The following DAB1 variants were observed in gnomAD, a reference collection of about 807,000 sequenced individuals.
DAB1 encodes the protein DAB adaptor protein 1, also known as disabled homolog 1.
A neutral mutation model predicts 64.6 loss-of-function variants in DAB1; 15 were observed. That is an observed-to-expected ratio of 0.23 (90% confidence interval 0.16 to 0.36). The LOEUF (loss-of-function observed/expected upper bound fraction) is 0.36. Among genes scored for constraint, DAB1 ranks in the 10% least tolerant of loss-of-function variants. The probability of loss-of-function intolerance (pLI) is 1.00; values close to 1 mark genes in which losing one functional copy is unlikely to be tolerated. For synonymous variants in DAB1, 235 were observed against 251.9 expected (o/e 0.93, Z 0.64); for missense variants, 596 against 706.7 (o/e 0.84, Z 1.78).
At chr1:58,419,991 C>T (rs1644756890) in intron 3 of DAB1, among the ~76,000 whole-genome samples, 1 of 152,218 alleles carries the variant, frequency 6.6e-6, no homozygotes, top group South Asian at 2.1e-4. Flanking sequence ...GCCTCTCCAT[C>T]CCATTTGGCT....
chr1:58,126,272 A>G (rs1262229198), intron 5 of DAB1, among the ~76,000 whole-genome samples: 1 of 152,062 alleles, frequency 6.6e-6, no homozygotes, highest in Admixed American at 6.5e-5. Flanking sequence ...GGAACACACC[A>G]GCCCCTCAAT....
intron 7 of DAB1, among the ~76,000 whole-genome samples, chr1:57,556,709 A>AT (rs750514791): frequency 1.3e-5 from 2 of 151,742 alleles, no homozygotes; most frequent in Non-Finnish European, 2.9e-5. Context: ...GATTGTGGAG[A>AT]TTTTCTCCCA....
At chr1:58,326,810 C>T (rs1213637) in intron 4 of DAB1, among the ~76,000 whole-genome samples, 115,318 of 152,110 alleles carry the variant, frequency 0.76, 44,600 homozygotes, top group African/African-American at 0.91. Flanking sequence ...GTCCGCACTT[C>T]CCTGCAGCCC....
intron 6 of DAB1, among the ~76,000 whole-genome samples, chr1:57,763,659 C>G (rs2101821010): frequency 6.6e-6 from 1 of 152,222 alleles, no homozygotes; most frequent in East Asian, 1.9e-4. Context: ...GCCTGAATGA[C>G]AAAGCAAGAC....
At chr1:58,293,083 T>G (rs1257914914) in intron 4 of DAB1, among the ~76,000 whole-genome samples, 1 of 152,174 alleles carries the variant, frequency 6.6e-6, no homozygotes, top group East Asian at 1.9e-4. Context: ...TTGAGTCTGT[T>G]GCCACCTTAC....
chr1:57,049,450 C>CAAAAAAAAAA (rs574438911), intron 9 of DAB1, among the ~76,000 whole-genome samples: 3,854 of 24,554 alleles, frequency 0.16, 890 homozygotes, highest in Non-Finnish European at 0.2. Context: ...GACTCCGTCT[C>CAAAAAAAAAA]AAAAAAAAAA....
chr1:57,478,234 G>C (rs900688327), intron 7 of DAB1, among the ~76,000 whole-genome samples: 2 of 152,022 alleles, frequency 1.3e-5, no homozygotes, highest in East Asian at 3.9e-4. Flanking sequence ...AATTAGAAAG[G>C]CTCTCATAAT....
intron 4 of DAB1, among the ~76,000 whole-genome samples, chr1:58,203,105 G>A (rs1482004446): frequency 6.6e-6 from 1 of 152,200 alleles, no homozygotes; most frequent in Non-Finnish European, 1.5e-5. Flanking sequence ...AAATCATGAT[G>A]CAGAAAAAGG....
At chr1:58,258,823 A>T (rs891192675) in intron 4 of DAB1, among the ~76,000 whole-genome samples, 2 of 152,182 alleles carry the variant, frequency 1.3e-5, no homozygotes, top group Non-Finnish European at 2.9e-5. Flanking sequence ...TGATGATGCC[A>T]TTGGGGATCT....
intron 3 of DAB1, among the ~76,000 whole-genome samples, chr1:58,495,939 A>T (rs180898099): frequency 6.6e-6 from 1 of 152,306 alleles, no homozygotes; most frequent in African/African-American, 2.4e-5. Flanking sequence ...TGCAATGAAG[A>T]TTAAACACTT....
intron 5 of DAB1, among the ~76,000 whole-genome samples, chr1:58,149,393 G>C (rs1654794853): frequency 6.6e-6 from 1 of 152,148 alleles, no homozygotes; most frequent in Admixed American, 6.5e-5. Context: ...CTTGCAAGTG[G>C]GTGGTGATGG....
At chr1:57,133,850 A>G (rs1657839235) in intron 4 of DAB1, among the ~76,000 whole-genome samples, 1 of 151,566 alleles carries the variant, frequency 6.6e-6, no homozygotes, top group African/African-American at 2.4e-5. Flanking sequence ...TTTGATATGG[A>G]AAAAAAAACT....
At chr1:57,989,030 A>G (rs1186527552) in intron 5 of DAB1, among the ~76,000 whole-genome samples, 1 of 152,128 alleles carries the variant, frequency 6.6e-6, no homozygotes, top group Non-Finnish European at 1.5e-5. Flanking sequence ...CCCCTCTGCG[A>G]GGAGAGCACA....
chr1:57,664,751 A>G (rs1558589396), intron 6 of DAB1, among the ~76,000 whole-genome samples: 1 of 152,102 alleles, frequency 6.6e-6, no homozygotes, highest in Non-Finnish European at 1.5e-5. Flanking sequence ...TCTATAATAT[A>G]AAGCCATTAA....
intron 2 of DAB1, among the ~76,000 whole-genome samples, chr1:57,192,679 C>T (rs998231618): frequency 6.6e-6 from 1 of 152,174 alleles, no homozygotes; most frequent in Non-Finnish European, 1.5e-5. Context: ...CACTGGGTAC[C>T]TTCCTATCCT....
intron 1 of DAB1, among the ~76,000 whole-genome samples, chr1:57,360,091 G>C (rs1679427437): frequency 6.6e-6 from 1 of 151,974 alleles, no homozygotes; most frequent in African/African-American, 2.4e-5. Flanking sequence ...TTGATATTAT[G>C]CACTCTCACC....
chr1:57,050,412 T>G (rs1649064779), intron 9 of DAB1, among the ~76,000 whole-genome samples: 1 of 152,226 alleles, frequency 6.6e-6, no homozygotes, highest in Admixed American at 6.5e-5. Context: ...CCTTTGCTCC[T>G]TGGGGGCTTC....
At chr1:57,469,048 C>T (rs1463064058) in intron 7 of DAB1, among the ~76,000 whole-genome samples, 1 of 152,186 alleles carries the variant, frequency 6.6e-6, no homozygotes, top group African/African-American at 2.4e-5. Context: ...AGATGAAGAA[C>T]TCTGTCTGCA....
At chr1:57,533,974 A>C (rs979706957) in intron 7 of DAB1, among the ~76,000 whole-genome samples, 1 of 152,196 alleles carries the variant, frequency 6.6e-6, no homozygotes, top group South Asian at 2.1e-4. Flanking sequence ...CTTTGCTTCA[A>C]AGTAGAAGCA....
Sources: gnomAD v4.1 joint callset for allele counts (sites outside exome capture counted in the v4.1 genomes callset) on GRCh38, gnomAD v4.1.1 for gene constraint, MANE v1.5 for transcripts, NCBI Gene and HGNC (gene_info 2026-07-23, HGNC 2026-07-21) for gene names.